TENM3: variants seen among roughly 807,000 people sequenced by gnomAD.
TENM3 encodes teneurin-3.
In TENM3, 63 loss-of-function variants were observed where a neutral mutation model predicts 255.1. The ratio of observed to expected loss-of-function variants is 0.25; its 90% CI spans 0.20 to 0.30. TENM3 has a LOEUF of 0.30. TENM3 is among the 10% of genes least tolerant of loss of function. TENM3 has a pLI of 1.00. For synonymous variants in TENM3, 1,306 were observed against 1,322.3 expected (o/e 0.99, Z 0.27); for missense variants, 2,929 against 3,461.1 (o/e 0.85, Z 3.86).
chr4:181,511,036 G>T, the TENM3 span, among the ~76,000 whole-genome samples: 2 of 152,150 alleles, frequency 1.3e-5, no homozygotes, highest in African/African-American at 4.8e-5. Flanking sequence ...GAAAAAGCAA[G>T]CATTCAAGAA....
chr4:181,990,273 GA>G, the TENM3 span, among the ~76,000 whole-genome samples: 1 of 152,184 alleles, frequency 6.6e-6, no homozygotes, highest in African/African-American at 2.4e-5. Flanking sequence ...AGCAAAACAA[GA>G]AAAATGTTGC....
chr4:182,081,660 C>A, the TENM3 span: 1 of 151,270 alleles, frequency 6.6e-6, no homozygotes, highest in East Asian at 1.9e-4. Context: ...AAGCACACTG[C>A]AGAAGCAGTG....
At chr4:182,213,783 TGC>T (rs1755215495) in intron 1 of TENM3, among the ~76,000 whole-genome samples, 1 of 152,170 alleles carries the variant, frequency 6.6e-6, no homozygotes, top group African/African-American at 2.4e-5. Flanking sequence ...AGATAAGAGA[TGC>T]AGCTTTTATT....
chr4:182,430,573 A>G (rs1284614926), intron 3 of TENM3, among the ~76,000 whole-genome samples: 2 of 152,044 alleles, frequency 1.3e-5, no homozygotes, highest in Non-Finnish European at 2.9e-5. Flanking sequence ...GAAAGATTGT[A>G]GAGTGGGTTG....
At chr4:182,332,969 A>T (rs1763877421) in intron 2 of TENM3, among the ~76,000 whole-genome samples, 1 of 152,178 alleles carries the variant, frequency 6.6e-6, no homozygotes, top group Admixed American at 6.5e-5. Flanking sequence ...AGAGGAATTT[A>T]TTTTTTCTCA....
At position 182,199,720 on chromosome 4, in the gene TENM3, C is replaced by CTTT. The variant is rs367906246; in HGVS notation, c.-76+54987_-76+54989dup. On this transcript the variant is annotated intron_variant, in intron 1 of 2. Coordinates refer to the TENM3 transcript ENST00000512480. ...TAGATGGCTTTGTGGAACATCATTGCTTTTTTTTTTTTTTTTTTTTTTTGA... is the reference window on the plus strand; with the variant it reads ...TAGATGGCTTTGTGGAACATCATTGCTTTTTTTTTTTTTTTTTTTTTTTTTTGA... Among the ~76,000 whole-genome samples, 559 of 104,782 alleles carry CTTT rather than the reference C, an allele frequency of 5.3e-3. 13 individuals are homozygous for CTTT. Among genetic ancestry groups the CTTT allele is most frequent in the East Asian group, 0.015 (42 of 2,844 alleles). The allele number at this position is 104,782 out of a possible 152,430, so 68.7% of individuals were successfully genotyped here.
chr4:182,389,745 G>A (rs1322376883), intron 3 of TENM3, among the ~76,000 whole-genome samples: 1 of 140,838 alleles, frequency 7.1e-6, no homozygotes, highest in African/African-American at 2.6e-5. Flanking sequence ...GAGTGCAGTG[G>A]CGCGATCTCG....
chr4:181,780,630 C>A, the TENM3 span, among the ~76,000 whole-genome samples: 31,198 of 152,070 alleles, frequency 0.21, 3,403 homozygotes, highest in East Asian at 0.4. Context: ...TGCAGAAGTT[C>A]TTTAGTTTAA....
In TENM3 at chr4:182,681,651, T is replaced by C. The variant is rs986781571; in HGVS notation, c.1835-163T>C. 1.1e-4 allele frequency among the ~76,000 whole-genome samples: 16 copies of C among 152,364 alleles called. 1 individual carries two copies. Among genetic ancestry groups the C allele is most frequent in the Admixed American group, 9.1e-4 (14 of 15,306 alleles). The stretch of plus-strand genomic sequence containing the variant: ...TAGGCTGGATCTTAATGCTTTATTG[T>C]ATTATAATTCTTTGCATTTTCAGAA... On this transcript the variant is annotated intron_variant, in intron 10 of 27. Coordinates refer to ENST00000511685, the MANE Select transcript of TENM3 (RefSeq NM_001080477.4).
the TENM3 span, among the ~76,000 whole-genome samples, chr4:181,713,628 A>T: frequency 6.6e-6 from 1 of 152,170 alleles, no homozygotes; most frequent in African/African-American, 2.4e-5. Context: ...AAACAGCCAC[A>T]TCTTTATAAC....
intron 3 of TENM3, among the ~76,000 whole-genome samples, chr4:182,434,130 G>C (rs4862067): frequency 6.8e-6 from 1 of 147,570 alleles, no homozygotes; most frequent in Non-Finnish European, 1.5e-5. Flanking sequence ...AAAAAAAAAA[G>C]GTAGAGTAGT....
At chr4:182,766,572 G>C (rs1036109845) in intron 22 of TENM3, among the ~76,000 whole-genome samples, 2 of 152,108 alleles carry the variant, frequency 1.3e-5, no homozygotes, top group African/African-American at 4.8e-5. Context: ...ACTATGAAAG[G>C]AAAGAGGCAT....
chr4:182,381,598 C>CAGGCTGG (rs1052982515), intron 3 of TENM3, among the ~76,000 whole-genome samples: 16 of 141,954 alleles, frequency 1.1e-4, no homozygotes, highest in Non-Finnish European at 4.5e-5. Flanking sequence ...TCTTGTTGCC[C>CAGGCTGG]AGGCTGGAGT....
chr4:182,683,542 A>T (rs1489910528), intron 11 of TENM3, among the ~76,000 whole-genome samples: 1 of 152,246 alleles, frequency 6.6e-6, no homozygotes, highest in Non-Finnish European at 1.5e-5. Flanking sequence ...TAAATAAAAG[A>T]TTAGCAAAGA....
the TENM3 span, among the ~76,000 whole-genome samples, chr4:181,973,455 G>A: frequency 6.6e-6 from 1 of 152,268 alleles, no homozygotes; most frequent in African/African-American, 2.4e-5. Context: ...TAAATGGCTG[G>A]GCCTCAGGCC....
intron 1 of TENM3, among the ~76,000 whole-genome samples, chr4:182,231,122 T>C (rs1016358516): frequency 2.6e-5 from 4 of 151,980 alleles, no homozygotes; most frequent in South Asian, 2.1e-4. Flanking sequence ...TATTTTTTCT[T>C]GTTCTACATC....
the TENM3 span, among the ~76,000 whole-genome samples, chr4:182,057,119 C>A: frequency 1.3e-5 from 2 of 151,642 alleles, no homozygotes; most frequent in Non-Finnish European, 2.9e-5. Context: ...AGATGCTCAA[C>A]ACTTCATCTT....
At chr4:182,186,045 A>G (rs1181251872) in intron 1 of TENM3, among the ~76,000 whole-genome samples, 1 of 152,112 alleles carries the variant, frequency 6.6e-6, no homozygotes, top group Non-Finnish European at 1.5e-5. Flanking sequence ...TCCTTTATAT[A>G]TATATGGAAA....
intron 1 of TENM3, among the ~76,000 whole-genome samples, chr4:182,150,589 A>G (rs971568810): frequency 3.9e-5 from 6 of 152,046 alleles, no homozygotes; most frequent in African/African-American, 1.4e-4. Context: ...TGTTTATAAG[A>G]CTGAAAATCA....
Sources: allele counts gnomAD v4.1 joint callset (sites outside exome capture counted in the v4.1 genomes callset), GRCh38; gene constraint gnomAD v4.1.1; transcripts MANE v1.5; gene names NCBI Gene and HGNC (gene_info 2026-07-23, HGNC 2026-07-21).